The following ATRIP variants were observed in gnomAD, a reference collection of about 807,000 sequenced individuals.
The protein encoded by ATRIP is ATR-interacting protein.
A neutral mutation model predicts 78.1 loss-of-function variants in ATRIP; 44 were observed. The observed-to-expected ratio is 0.56, with a 90% CI of 0.44 to 0.72. The LOEUF is 0.72. Ranked by LOEUF, ATRIP falls within the 30% of genes least tolerant of loss-of-function variation. ATRIP has a pLI of 0.00. For missense variants in ATRIP, 927 were observed against 980.2 expected, an observed-to-expected ratio of 0.95 and a Z score of 0.72; for synonymous variants, 388 against 408.9, an observed-to-expected ratio of 0.95 and a Z score of 0.62.
chr3:48,458,505 TAG>T (rs1196246912), intron 5 of ATRIP, among the ~76,000 whole-genome samples: 18 of 152,066 alleles, frequency 1.2e-4, no homozygotes, highest in Admixed American at 4.6e-4. Flanking sequence ...GTATTTTTAG[TAG>T]AGACAGGTTT....
chr3:48,460,489 C>T lies in ATRIP; in HGVS notation c.1435C>T (p.Leu479Phe), dbSNP rs2040073575. Residue 479 changes from leucine (L) to phenylalanine (F), a missense_variant, in exon 8 of 13, where the codon CTT (leucine) becomes TTT (phenylalanine). Transcript: ENST00000320211. ...CILEGFSVTA[L>F]SILQHLVCHS... Reference sequence around the variant, plus strand: ...CCTGGAAGGCTTCTCTGTGACTGCACTTAGCATTCTTCAGCACCTGGTGTG... The same window carrying T: ...CCTGGAAGGCTTCTCTGTGACTGCATTTAGCATTCTTCAGCACCTGGTGTG... The T allele has an allele frequency of 6.2e-7, 1 of 1,611,754 alleles. No individual in the cohort carries two copies. Among genetic ancestry groups the T allele is most frequent in the Non-Finnish European group, 8.5e-7 (1 of 1,178,768 alleles).
In ATRIP at chr3:48,460,689, G is replaced by T; in HGVS notation, c.1635G>T (p.Leu545=). ...QHPLLKMLLH[L]LAFSSAATGH... is the part of the protein sequence containing the mutation. The stretch of plus-strand genomic sequence containing the variant: ...CACTGTTGAAGATGCTTCTTCACCT[G>T]TTGGCTTTCTCTTCTGCAGCAACAG... Residue 545 remains leucine, a synonymous_variant, in exon 8 of 13, where the codon CTG becomes CTT. Coordinates refer to ENST00000320211, the MANE Select transcript of ATRIP (RefSeq NM_130384.3). 1 of 1,614,144 alleles carries T rather than the reference G, an allele frequency of 6.2e-7. No individual in the cohort carries two copies. The highest frequency in any genetic ancestry group is 8.5e-7 in the Non-Finnish European group (1 of 1,179,964).
intron 4 of ATRIP, among the ~76,000 whole-genome samples, chr3:48,456,444 AAGTT>A (rs1034403040): frequency 1.3e-5 from 2 of 152,090 alleles, no homozygotes; most frequent in Admixed American, 1.3e-4. Context: ...AAAGAATAAA[AAGTT>A]AGCCAGATGT....
chr3:48,462,331 C>G (rs1332032042), intron 8 of ATRIP, among the ~76,000 whole-genome samples: 1 of 151,936 alleles, frequency 6.6e-6, no homozygotes, highest in Non-Finnish European at 1.5e-5. Context: ...AGCTTGTCCA[C>G]AGGGACATTC....
chr3:48,467,155 G>A lies in ATRIP; in HGVS notation c.*1601G>A, dbSNP rs200309956. 88 of 1,613,920 alleles carry A rather than the reference G, an allele frequency of 5.5e-5. No homozygotes were observed. The highest frequency in any genetic ancestry group is 7.2e-5 in the Non-Finnish European group (85 of 1,180,032). On this transcript the variant is annotated 3_prime_UTR_variant, in exon 13 of 13. Transcript: ENST00000320211. Reference sequence around the variant, plus strand: ...CTGAAGGCCCTGGAGCGAGCAAGCAGCCCCTCAGAACACGGCCCAAGGAAG... The same window carrying A: ...CTGAAGGCCCTGGAGCGAGCAAGCAACCCCTCAGAACACGGCCCAAGGAAG...
At chr3:48,462,675 C>T (rs2040151481) in intron 8 of ATRIP, among the ~76,000 whole-genome samples, 1 of 152,120 alleles carries the variant, frequency 6.6e-6, no homozygotes, top group Non-Finnish European at 1.5e-5. Flanking sequence ...TGCACTCCAG[C>T]CTGGGTGACA....
Position 48,465,632 on chromosome 3 carries a change from A to C in ATRIP, c.*78A>C. The C allele has an allele frequency of 1.4e-6, 2 of 1,404,362 alleles. No individual in the cohort carries two copies. The highest frequency in any genetic ancestry group is 3.4e-5 in the Admixed American group (2 of 58,334). 87.0% of individuals were successfully genotyped at this position (1,404,362 alleles called of 1,614,324 possible). A position where few individuals can be genotyped will look rare whatever the true frequency, so the allele number is the denominator to read the frequency against. On this transcript the variant is annotated 3_prime_UTR_variant, in exon 13 of 13. Coordinates refer to ENST00000320211, the MANE Select transcript of ATRIP (RefSeq NM_130384.3). ...ACATCAACTGATTAAAGCAGTGACC[A>C]GCAGGAACTGCCCAGAGAACTGGCT...
rs755417423 is a variant in ATRIP, at chr3:48,451,940, A to G, written c.552+41A>G. 4 of 1,550,928 alleles carry G rather than the reference A, an allele frequency of 2.6e-6. No homozygotes were observed. The East Asian group carries it at 6.8e-5, about 27-fold the overall frequency. ...TGTTTTGCACCAGCTTTGCCTGCCCACTGAGTTCCTTTGACCAGGGTTGCC... is the reference window on the plus strand; with the variant it reads ...TGTTTTGCACCAGCTTTGCCTGCCCGCTGAGTTCCTTTGACCAGGGTTGCC... On this transcript the variant is annotated intron_variant, in intron 3 of 12. Coordinates refer to ENST00000320211, the MANE Select transcript of ATRIP (RefSeq NM_130384.3).
Position 48,451,798 on chromosome 3 carries a change from C to G in ATRIP, c.451C>G (p.Gln151Glu), listed in dbSNP as rs753529542. 6.2e-7 allele frequency: 1 copy of G among 1,612,572 alleles called. No individual in the cohort carries two copies. Among genetic ancestry groups the G allele is most frequent in the Non-Finnish European group, 8.5e-7 (1 of 1,178,988 alleles). The part of the protein sequence containing the change: ...EIKILRDSLH[Q>E]TESVLEEQRR... ...TAAAATTTTGCGAGACTCACTACAT[C>G]AGACGGAATCCGTTCTAGAGGAACA... Residue 151 changes from glutamine to glutamate, a missense_variant, in exon 3 of 13, where the codon CAG (glutamine) becomes GAG (glutamate). Coordinates refer to ENST00000320211, the MANE Select transcript of ATRIP (RefSeq NM_130384.3).
rs56162833 is a variant in ATRIP, at chr3:48,466,967, G to A, written c.*1413G>A. 13 of 1,612,374 alleles carry A rather than the reference G, an allele frequency of 8.1e-6. No individual in the cohort carries two copies. The highest frequency in any genetic ancestry group is 1.1e-5 in the Non-Finnish European group (13 of 1,180,034). On this transcript the variant is annotated 3_prime_UTR_variant, in exon 13 of 13. Coordinates refer to ENST00000320211, the MANE Select transcript of ATRIP (RefSeq NM_130384.3). ...GGCGTCAATGTTTTGATGACAACCT[G>A]GCCAACCTGCTCCTAGCCTTCCTGC...
At position 48,446,770 on chromosome 3, in the gene ATRIP, G is replaced by T. The variant is rs375574173; in HGVS notation, c.-76G>T. 1.5e-6 allele frequency: 2 copies of T among 1,334,262 alleles called. No homozygotes were observed. Among genetic ancestry groups the T allele is most frequent in the South Asian group, 2.5e-5 (1 of 39,430 alleles). 82.7% of individuals were successfully genotyped at this position (1,334,262 alleles called of 1,614,324 possible). Reference sequence around the variant, plus strand: ...CGGAGGCAAGCGGCGGCGCGCGGACGGTTGGTCCAGTTCTCCGGCCTGGCG... The same window carrying T: ...CGGAGGCAAGCGGCGGCGCGCGGACTGTTGGTCCAGTTCTCCGGCCTGGCG... On this transcript the variant is annotated 5_prime_UTR_variant, in exon 1 of 13. Transcript: ENST00000320211.
chr3:48,467,286 A>G lies in ATRIP; in HGVS notation c.*1732A>G. ...GGCCCTGCTCAGCATCTGTCAGTGG[A>G]GACCACAGGCCCTGCTGCGGTGGGT... On this transcript the variant is annotated 3_prime_UTR_variant, in exon 13 of 13. Coordinates refer to ENST00000320211, the MANE Select transcript of ATRIP (RefSeq NM_130384.3). The G allele has an allele frequency of 6.2e-7, 1 of 1,614,158 alleles. No homozygotes were observed. Among genetic ancestry groups the G allele is most frequent in the Non-Finnish European group, 8.5e-7 (1 of 1,180,022 alleles).
chr3:48,459,784 C>T lies in ATRIP; in HGVS notation c.926-3C>T, dbSNP rs375112004. 1.2e-6 allele frequency: 2 copies of T among 1,609,868 alleles called. No individual in the cohort carries two copies. The highest frequency in any genetic ancestry group is 1.3e-5 in the African/African-American group (1 of 74,584). ...CCTTCTAGAGTCATCTTGTCTTCTGCAGGTTCCATTTTGATAAACCTGCTC... is the reference window on the plus strand; with the variant it reads ...CCTTCTAGAGTCATCTTGTCTTCTGTAGGTTCCATTTTGATAAACCTGCTC... On this transcript the variant is annotated splice_polypyrimidine_tract_variant and splice_region_variant and intron_variant, in intron 6 of 12. Transcript: ENST00000320211.
rs1421939007 is a variant in ATRIP, at chr3:48,467,052, C to G, written c.*1498C>G. 2 of 1,613,924 alleles carry G rather than the reference C, an allele frequency of 1.2e-6. No homozygotes were observed. The highest frequency in any genetic ancestry group is 4.5e-5 in the East Asian group (2 of 44,898). On this transcript the variant is annotated 3_prime_UTR_variant, in exon 13 of 13. Coordinates refer to ENST00000320211, the MANE Select transcript of ATRIP (RefSeq NM_130384.3). ...CAATGGTGACCGCTACGACTTCCCC[C>G]TGCTCCAAGCAGAGCTGGCTATGCT...
At position 48,465,199 on chromosome 3, in the gene ATRIP, A is replaced by C. The variant is rs1004005638; in HGVS notation, c.2308+116A>C. 8 of 1,344,134 alleles carry C rather than the reference A, an allele frequency of 6.0e-6. No homozygotes were observed. In the African/African-American group the frequency reaches 1.2e-4, roughly 20 times the overall value. 83.3% of individuals were successfully genotyped at this position (1,344,134 alleles called of 1,614,324 possible). On this transcript the variant is annotated intron_variant, in intron 12 of 12. Transcript: ENST00000320211. ...GCCCCCGCCCACTGCAGCCTGTTCC[A>C]GCACTGGGGCCATTTTCTTTTATCT... is the stretch of plus-strand genomic sequence containing the variant.
At chr3:48,447,636 A>G in intron 1 of ATRIP, 3 of 722,668 alleles carry the variant, frequency 4.2e-6, no homozygotes, top group Non-Finnish European at 5.1e-6. Context: ...ACTGTCCTTC[A>G]TGGAGCTTAC....
rs7626978 is a variant in ATRIP at position 48,464,432 on chromosome 3, T to G, written c.1975-150T>G. On this transcript the variant is annotated intron_variant, in intron 10 of 12. Transcript: ENST00000320211. ...ACACATGAGTGCTTGTCCTGGGTCTTCCCTGGGAAGGTCCCACACCACTTC... is the reference window on the plus strand; with the variant it reads ...ACACATGAGTGCTTGTCCTGGGTCTGCCCTGGGAAGGTCCCACACCACTTC... 9,601 of 938,796 alleles carry G rather than the reference T, an allele frequency of 0.01. 482 individuals carry two copies. The African/African-American group carries it at 0.12, about 12-fold the overall frequency. 58.2% of individuals were successfully genotyped at this position (938,796 alleles called of 1,614,324 possible). A position where few individuals can be genotyped will look rare whatever the true frequency, so the allele number is the denominator to read the frequency against.
Position 48,450,134 on chromosome 3 carries a change from G to A in ATRIP, c.345G>A (p.Glu115=). The part of the protein sequence containing the change: ...TVPIKDNFEL[E]VLQAQYKELK... Reference sequence around the variant, plus strand: ...CAATTAAAGATAATTTCGAATTAGAGGTACTTCAGGCACAATACAAAGAAC... The same window carrying A: ...CAATTAAAGATAATTTCGAATTAGAAGTACTTCAGGCACAATACAAAGAAC... The change falls in exon 2 of 13, where the codon GAG becomes GAA. Residue 115 remains glutamate, a synonymous_variant. Coordinates refer to ENST00000320211, the MANE Select transcript of ATRIP (RefSeq NM_130384.3). 3 of 1,612,772 alleles carry A rather than the reference G, an allele frequency of 1.9e-6. No individual in the cohort carries two copies. The South Asian group carries it at 3.3e-5, about 18-fold the overall frequency.
At chr3:48,456,025 G>A (rs1483877091) in intron 4 of ATRIP, among the ~76,000 whole-genome samples, 1 of 152,040 alleles carries the variant, frequency 6.6e-6, no homozygotes, top group East Asian at 2.0e-4. Flanking sequence ...GGAGGCTGAG[G>A]CAGGAGAATC....
Sources: gnomAD v4.1 joint callset for allele counts (sites outside exome capture counted in the v4.1 genomes callset) on GRCh38, gnomAD v4.1.1 for gene constraint, MANE v1.5 for transcripts, NCBI Gene and HGNC (gene_info 2026-07-23, HGNC 2026-07-21) for gene names.